NCF2: variants seen among roughly 807,000 people sequenced by gnomAD.
NCF2 encodes neutrophil cytosol factor 2.
In NCF2, 45 loss-of-function variants were observed where a neutral mutation model predicts 70.9. The observed-to-expected ratio is 0.63, with a 90% CI of 0.50 to 0.81. NCF2 has a LOEUF of 0.81. Ranked by LOEUF, NCF2 falls within the 40% of genes least tolerant of loss-of-function variation. The probability of loss-of-function intolerance (pLI) is 0.00; values close to 1 mark genes in which losing one functional copy is unlikely to be tolerated. For synonymous variants in NCF2, 203 were observed against 233.6 expected (o/e 0.87, Z 1.19); for missense variants, 522 against 631.6 (o/e 0.83, Z 1.86).
At chr1:183,576,913 A>G (rs978168973) in intron 3 of NCF2, among the ~76,000 whole-genome samples, 1 of 149,574 alleles carries the variant, frequency 6.7e-6, no homozygotes, top group Non-Finnish European at 1.5e-5. Context: ...TGGAAGTGGG[A>G]GGGGTGGGAA....
At chr1:183,591,191 T>A (rs571551582), upstream of NCF2, among the ~76,000 whole-genome samples, 12 of 152,318 alleles carry the variant, frequency 7.9e-5, no homozygotes, top group African/African-American at 2.6e-4. Flanking sequence ...CAGCAGGTAG[T>A]GTGGCCCACT....
Sources: gnomAD v4.1 joint callset for allele counts (sites outside exome capture counted in the v4.1 genomes callset) on GRCh38, gnomAD v4.1.1 for gene constraint, MANE v1.5 for transcripts, NCBI Gene and HGNC (gene_info 2026-07-23, HGNC 2026-07-21) for gene names.